BTD: variants seen among roughly 807,000 people sequenced by gnomAD.
The protein encoded by BTD is biocytinase.
In BTD, 13 loss-of-function variants were observed where a neutral mutation model predicts 17.7. The ratio of observed to expected loss-of-function variants is 0.74; its 90% CI spans 0.48 to 1.17. The LOEUF (loss-of-function observed/expected upper bound fraction) is 1.17, where lower values mean the gene tolerates loss of function less well. Among genes scored for constraint, BTD ranks in the 50% most tolerant of loss-of-function variants. The probability of loss-of-function intolerance (pLI) is 0.00; values close to 1 mark genes in which losing one functional copy is unlikely to be tolerated. For synonymous variants in BTD, 240 were observed against 245.2 expected, an observed-to-expected ratio of 0.98 and a Z score of 0.20; for missense variants, 674 against 650.4, an observed-to-expected ratio of 1.04 and a Z score of -0.39.
intron 3 of BTD, among the ~76,000 whole-genome samples, chr3:15,642,750 C>T (rs575603794): frequency 6.6e-6 from 1 of 152,246 alleles, no homozygotes; most frequent in East Asian, 1.9e-4. Flanking sequence ...GCATGAGCCA[C>T]TGTGCCTGGC....
intron 3 of BTD, chr3:15,684,202 G>A (rs533648771): frequency 2.1e-4 from 32 of 152,286 alleles, no homozygotes; most frequent in African/African-American, 7.2e-4. Flanking sequence ...ATCTCAACAT[G>A]CTTCATTGCA....
At chr3:15,688,447 C>G (rs74804978) in intron 3 of BTD, among the ~76,000 whole-genome samples, 1 of 152,194 alleles carries the variant, frequency 6.6e-6, no homozygotes, top group Non-Finnish European at 1.5e-5. Flanking sequence ...TATAACTTCA[C>G]TCTTTTTCAG....
At position 15,649,816 on chromosome 3, in the gene BTD, A is replaced by G. The variant is rs2065773541; in HGVS notation, c.*4328A>G. Among the ~76,000 whole-genome samples, 1 of 151,724 alleles carries G rather than the reference A, an allele frequency of 6.6e-6. No individual in the cohort carries two copies. The highest frequency in any genetic ancestry group is 1.5e-5 in the Non-Finnish European group (1 of 68,016). On this transcript the variant is annotated 3_prime_UTR_variant, in exon 4 of 4. Coordinates refer to ENST00000643237, the MANE Select transcript of BTD (RefSeq NM_001370658.1). ...AGAGCCCTTTCTCATTGAACTATTT[A>G]TCTGAGTTCCCTCTGCCGGAACATG...
intron 3 of BTD, chr3:15,677,741 A>G (rs1349713763): frequency 4.3e-6 from 2 of 462,154 alleles, no homozygotes; most frequent in Non-Finnish European, 7.7e-6. Context: ...TGAGACAATT[A>G]TATTGTTGTA....
chr3:15,718,943 T>C (rs2073389655), intron 4 of BTD, among the ~76,000 whole-genome samples: 1 of 152,178 alleles, frequency 6.6e-6, no homozygotes, highest in Non-Finnish European at 1.5e-5. Context: ...TGTCTAGATA[T>C]TTTTCTGGGC....
At chr3:15,717,339 T>A (rs1023567067), downstream of BTD, among the ~76,000 whole-genome samples, 22 of 152,060 alleles carry the variant, frequency 1.4e-4, no homozygotes, top group Non-Finnish European at 1.6e-4. Flanking sequence ...TTCTACATAC[T>A]GATAATAAAA....
chr3:15,606,951 GT>G (rs11405819), intron 1 of BTD: 235 of 129,260 alleles, frequency 1.8e-3, no homozygotes, highest in Middle Eastern at 0.012. Context: ...GTTGTTTTTG[GT>G]TTTTTTTTTT....
chr3:15,636,400 C>T (rs2065348826), intron 2 of BTD, among the ~76,000 whole-genome samples: 2 of 152,316 alleles, frequency 1.3e-5, no homozygotes, highest in South Asian at 4.1e-4. Context: ...GCCTGAATTT[C>T]CTGCTCCCTT....
At chr3:15,608,021 A>G (rs547775260) in intron 1 of BTD, among the ~76,000 whole-genome samples, 3 of 152,378 alleles carry the variant, frequency 2.0e-5, no homozygotes, top group South Asian at 2.1e-4. Flanking sequence ...CAACTTTATT[A>G]TTGAGCTGAG....
At chr3:15,663,939 T>C (rs1279802525) in intron 3 of BTD, among the ~76,000 whole-genome samples, 1 of 152,238 alleles carries the variant, frequency 6.6e-6, no homozygotes, top group Non-Finnish European at 1.5e-5. Context: ...TTCACTCTTG[T>C]TGCCCAGGCT....
At chr3:15,678,178 G>C in intron 3 of BTD, 2 of 1,577,338 alleles carry the variant, frequency 1.3e-6, no homozygotes, top group East Asian at 2.3e-5. Flanking sequence ...CACATACTTA[G>C]GAAAATACAA....
chr3:15,635,793 A>G lies in BTD; in HGVS notation c.249+105A>G. 6.5e-7 allele frequency: 1 copy of G among 1,534,290 alleles called. No individual in the cohort carries two copies. The highest frequency in any genetic ancestry group is 9.0e-7 in the Non-Finnish European group (1 of 1,115,280). ...CCCAGGCTTCCTACCACCCTCTGAAAAAGCATCCAGGTAGTTAACCTGAGT... is the reference window on the plus strand; with the variant it reads ...CCCAGGCTTCCTACCACCCTCTGAAGAAGCATCCAGGTAGTTAACCTGAGT... On this transcript the variant is annotated intron_variant, in intron 2 of 3. Coordinates refer to ENST00000643237, the MANE Select transcript of BTD (RefSeq NM_001370658.1). This position sits in a 1 kb window ranked among gnomAD's most constrained non-coding sequence, Gnocchi z 4.1.
rs2071460058 is a variant in BTD, at chr3:15,706,586, A to C, written c.400-3474A>C. The stretch of plus-strand genomic sequence containing the variant: ...TGTCTTTATAGCAGCATGATTTATA[A>C]TCCTTTGGGTATATACCCAGTAATG... On this transcript the variant is annotated intron_variant, in intron 3 of 3. Transcript: ENST00000672141. 5.3e-5 allele frequency among the ~76,000 whole-genome samples: 8 copies of C among 152,186 alleles called. No homozygotes were observed. In the South Asian group the frequency reaches 1.7e-3, roughly 32 times the overall value.
At chr3:15,695,212 A>G (rs2069359028) in intron 3 of BTD, 3 of 1,584,762 alleles carry the variant, frequency 1.9e-6, no homozygotes, top group Non-Finnish European at 2.6e-6. Flanking sequence ...TTTCACTTGC[A>G]ATCTGAAATA....
chr3:15,614,209 A>G (rs2064724720), intron 1 of BTD, among the ~76,000 whole-genome samples: 1 of 151,324 alleles, frequency 6.6e-6, no homozygotes, highest in Admixed American at 6.6e-5. Context: ...CTGCAGCCTT[A>G]AACTCCTGGG....
chr3:15,713,306 G>C (rs1443732141), downstream of BTD, among the ~76,000 whole-genome samples: 6 of 152,176 alleles, frequency 3.9e-5, no homozygotes, highest in East Asian at 1.2e-3. Flanking sequence ...CTCAAAGTGA[G>C]AAAGAACTGG....
chr3:15,631,593 T>A, intron 1 of BTD: 2 of 1,091,970 alleles, frequency 1.8e-6, no homozygotes, highest in Non-Finnish European at 2.7e-6. Context: ...TGATTTTTCC[T>A]ATTAGATGGA....
In BTD at chr3:15,659,843, A is replaced by G. The variant is rs530729347; in HGVS notation, c.399+17786A>G. Among the ~76,000 whole-genome samples the G allele has an allele frequency of 8.4e-4, 128 of 152,276 alleles. 1 individual carries two copies. Among genetic ancestry groups the G allele is most frequent in the East Asian group, 4.8e-3 (25 of 5,184 alleles). ...AGATCAGTAGGATGACTTTCCTTTTATCCTATGATAGGTCATCCTACTAAT... is the reference window on the plus strand; with the variant it reads ...AGATCAGTAGGATGACTTTCCTTTTGTCCTATGATAGGTCATCCTACTAAT... On this transcript the variant is annotated intron_variant, in intron 3 of 3. Coordinates refer to the BTD transcript ENST00000672141.
intron 3 of BTD, among the ~76,000 whole-genome samples, chr3:15,663,648 G>A (rs1473488866): frequency 1.3e-5 from 2 of 151,888 alleles, no homozygotes; most frequent in African/African-American, 4.8e-5. Flanking sequence ...ACATCTATGG[G>A]CTCTGCTCTG....
Sources: gnomAD v4.1 joint callset for allele counts (sites outside exome capture counted in the v4.1 genomes callset) on GRCh38, gnomAD v4.1.1 for gene constraint, Gnocchi (gnomAD v3.1) non-coding constraint, MANE v1.5 for transcripts, NCBI Gene and HGNC (gene_info 2026-07-23, HGNC 2026-07-21) for gene names.